Variants in FOXN4 observed in about 807,000 individuals in gnomAD.
The protein encoded by FOXN4 is forkhead box protein N4.
A neutral mutation model predicts 45.0 loss-of-function variants in FOXN4; 12 were observed. The ratio of observed to expected loss-of-function variants is 0.27; its 90% confidence interval spans 0.17 to 0.43. The LOEUF (loss-of-function observed/expected upper bound fraction) is 0.43, where lower values mean the gene tolerates loss of function less well. FOXN4 is among the 20% of genes least tolerant of loss of function. The probability of loss-of-function intolerance (pLI) is 1.00; values close to 1 mark genes in which losing one functional copy is unlikely to be tolerated. For synonymous variants in FOXN4, 297 were observed against 295.0 expected (o/e 1.01, Z -0.07); for missense variants, 560 against 694.9 (o/e 0.81, Z 2.18).
chr12:109,283,100 G>A (rs1247949419), intron 8 of FOXN4, among the ~76,000 whole-genome samples: 1 of 152,032 alleles, frequency 6.6e-6, no homozygotes, highest in African/African-American at 2.4e-5. Context: ...TACTCCGAAG[G>A]CTGGGGCACA....
chr12:109,281,334 C>T, intron 9 of FOXN4, 73 bp downstream of exon 9: 1 of 1,560,020 alleles, frequency 6.4e-7, no homozygotes. Flanking sequence ...ACAGTCCTCT[C>T]CCTCACTCCC....
At chr12:109,301,201 T>C (rs547642990) in intron 2 of FOXN4, among the ~76,000 whole-genome samples, 4 of 152,190 alleles carry the variant, frequency 2.6e-5, no homozygotes, top group Non-Finnish European at 2.9e-5. Flanking sequence ...TGGGGAAGTC[T>C]TGGGAAGATA....
chr12:109,282,324 T>C (rs2047660696), intron 8 of FOXN4, among the ~76,000 whole-genome samples: 2 of 152,102 alleles, frequency 1.3e-5, no homozygotes, highest in South Asian at 4.1e-4. Context: ...GGTGTGTGCC[T>C]GTAGTACCAG....
Position 109,279,668 on chromosome 12 carries a change from A to C in FOXN4, c.*3T>G. 6.4e-7 allele frequency: 1 copy of C among 1,571,294 alleles called. No individual in the cohort carries two copies. Among genetic ancestry groups the C allele is most frequent in the Non-Finnish European group, 8.6e-7 (1 of 1,158,236 alleles). On this transcript the variant is annotated 3_prime_UTR_variant, in exon 10 of 10. Coordinates refer to ENST00000299162, the MANE Select transcript of FOXN4 (RefSeq NM_213596.3). ...GGGTTCCAGGGCAGGTGAGGCTGAC[A>C]GCTCAAAGCAGGGCTATAGGCTTGT...
intron 2 of FOXN4, among the ~76,000 whole-genome samples, chr12:109,295,825 T>G (rs562147886): frequency 1.6e-3 from 250 of 152,208 alleles, no homozygotes; most frequent in African/African-American, 5.8e-3. Context: ...ACCCGCTTCC[T>G]CCACTCTCCC....
chr12:109,283,923 G>A (rs2047676805), intron 8 of FOXN4, among the ~76,000 whole-genome samples: 1 of 152,188 alleles, frequency 6.6e-6, no homozygotes, highest in African/African-American at 2.4e-5. Flanking sequence ...ATTTTGTGAT[G>A]GATAACTTTG....
At position 109,290,690 on chromosome 12, in the gene FOXN4, A is replaced by G. The variant is rs1365651021; in HGVS notation, c.87-404T>C. Among the ~76,000 whole-genome samples the G allele has an allele frequency of 6.6e-6, 1 of 152,178 alleles. No individual in the cohort carries two copies. The highest frequency in any genetic ancestry group is 1.5e-5 in the Non-Finnish European group (1 of 68,028). ...AGTTGGAGCTCACCTACTATGGGAC[A>G]CTACAGCACAGAGCACTCAGGGCCT... On this transcript the variant is annotated intron_variant, in intron 2 of 9. Coordinates refer to ENST00000299162, the MANE Select transcript of FOXN4 (RefSeq NM_213596.3). This position sits in a 1 kb window ranked among gnomAD's most constrained non-coding sequence, Gnocchi z 5.1.
At position 109,287,111 on chromosome 12, in the gene FOXN4, G is replaced by A. The variant is rs1172903354; in HGVS notation, c.596+286C>T. ...TTATTTTGATGACTTTTTACATTTG[G>A]GGAAATCGAGGCTCAGAGAGGTCAT... is the stretch of plus-strand genomic sequence containing the variant. On this transcript the variant is annotated intron_variant, in intron 6 of 9. Transcript: ENST00000299162. This position sits in a 1 kb window ranked among gnomAD's most constrained non-coding sequence, Gnocchi z 4.1. Among the ~76,000 whole-genome samples, 1 of 152,094 alleles carries A rather than the reference G, an allele frequency of 6.6e-6. No homozygotes were observed. The highest frequency in any genetic ancestry group is 1.9e-4 in the East Asian group (1 of 5,176).
In FOXN4 at chr12:109,279,338, G is replaced by T; in HGVS notation, c.*333C>A. 1 of 383,550 alleles carries T rather than the reference G, an allele frequency of 2.6e-6. No individual in the cohort carries two copies. The highest frequency in any genetic ancestry group is 4.9e-6 in the Non-Finnish European group (1 of 204,014). The allele number at this position is 383,550 out of a possible 1,614,324, so 23.8% of individuals were successfully genotyped here. On this transcript the variant is annotated 3_prime_UTR_variant, in exon 10 of 10. Coordinates refer to ENST00000299162, the MANE Select transcript of FOXN4 (RefSeq NM_213596.3). ...CTGAGGTCACGCAGCCAGGATCCAG[G>T]ATGGAGAAGTCTCACTCAACACGGG...
intron 2 of FOXN4, among the ~76,000 whole-genome samples, chr12:109,303,494 T>A (rs994230726): frequency 6.6e-6 from 1 of 152,264 alleles, no homozygotes; most frequent in Non-Finnish European, 1.5e-5. Context: ...TTAACTTTTA[T>A]CTACTGTGTG....
chr12:109,290,047 C>T lies in FOXN4; in HGVS notation c.232+94G>A, dbSNP rs750280522. The T allele has an allele frequency of 1.9e-5, 26 of 1,376,494 alleles. No individual in the cohort carries two copies. Among genetic ancestry groups the T allele is most frequent in the Admixed American group, 3.2e-5 (1 of 31,416 alleles). The allele number at this position is 1,376,494 out of a possible 1,614,324, so 85.3% of individuals were successfully genotyped here. A position where few individuals can be genotyped will look rare whatever the true frequency, so the allele number is the denominator to read the frequency against. ...GAGAGGCCCAGAGAGACTGGGAGACCGGGTCATGGCTGCACAGTGGGTGGG... is the reference window on the plus strand; with the variant it reads ...GAGAGGCCCAGAGAGACTGGGAGACTGGGTCATGGCTGCACAGTGGGTGGG... On this transcript the variant is annotated intron_variant, in intron 3 of 9. Transcript: ENST00000299162. The surrounding 1 kb of genome is among the most constrained non-coding windows in gnomAD (Gnocchi z 5.1).
intron 2 of FOXN4, among the ~76,000 whole-genome samples, chr12:109,299,867 C>T (rs1214879665): frequency 9.2e-5 from 14 of 152,210 alleles, no homozygotes; most frequent in African/African-American, 2.9e-4. Context: ...CCCATCCCAG[C>T]GGGGCAGCCC....
At chr12:109,281,921 A>G (rs2047657262) in intron 8 of FOXN4, 122 bp from the exon 9 acceptor site, 3 of 1,154,928 alleles carry the variant, frequency 2.6e-6, no homozygotes, top group Admixed American at 2.9e-5. Context: ...TTGGACACTC[A>G]GAACCTCTGT....
chr12:109,304,287 GA>G (rs1566005694), intron 2 of FOXN4, among the ~76,000 whole-genome samples: 24 of 49,548 alleles, frequency 4.8e-4, no homozygotes, highest in African/African-American at 1.9e-3. Flanking sequence ...AAGAAAGAAA[GA>G]AAGAAAGGAG....
intron 2 of FOXN4, among the ~76,000 whole-genome samples, chr12:109,297,366 G>GAA (rs2047827574): frequency 1.3e-5 from 2 of 152,166 alleles, no homozygotes; most frequent in Admixed American, 6.5e-5. Context: ...TTGAGACAGG[G>GAA]GCTTGCTCTT....
intron 2 of FOXN4, among the ~76,000 whole-genome samples, chr12:109,303,296 G>A (rs1325473929): frequency 2.0e-5 from 3 of 152,200 alleles, no homozygotes; most frequent in Admixed American, 6.5e-5. Context: ...CCTAAGAAAC[G>A]GAGCCCCTTC....
chr12:109,308,439 C>CT (rs962005471), intron 1 of FOXN4, 115 bp from the exon 2 acceptor site: 685 of 616,398 alleles, frequency 1.1e-3, no homozygotes, highest in Middle Eastern at 2.9e-3. Context: ...TCACAGAACA[C>CT]TTTTTTTTTC....
At chr12:109,280,502 C>T (rs1369797087) in intron 9 of FOXN4, among the ~76,000 whole-genome samples, 4 of 152,204 alleles carry the variant, frequency 2.6e-5, no homozygotes, top group East Asian at 1.9e-4. Context: ...GGCTGTGGCA[C>T]GGGTTAAACA....
chr12:109,304,275 GAAA>G (rs2047897742), intron 2 of FOXN4, among the ~76,000 whole-genome samples: 5 of 72,406 alleles, frequency 6.9e-5, no homozygotes, highest in South Asian at 3.7e-4. Flanking sequence ...AAGAAAGAAA[GAAA>G]GAAAGAAAGA....
Sources: allele counts gnomAD v4.1 joint callset (sites outside exome capture counted in the v4.1 genomes callset), GRCh38; gene constraint gnomAD v4.1.1; non-coding constraint Gnocchi (gnomAD v3.1); transcripts MANE v1.5; gene names NCBI Gene and HGNC (gene_info 2026-07-23, HGNC 2026-07-21).